PRKCA: variants seen among roughly 807,000 people sequenced by gnomAD.
The protein encoded by PRKCA is protein kinase C alpha type.
PRKCA carries 27 observed loss-of-function variants against 87.0 expected under a neutral mutation model. The ratio of observed to expected loss-of-function variants is 0.31; its 90% CI spans 0.23 to 0.43. The LOEUF (loss-of-function observed/expected upper bound fraction) is 0.43. Ranked by LOEUF, PRKCA falls within the 20% of genes least tolerant of loss-of-function variation. The pLI, the probability that PRKCA is intolerant of heterozygous loss-of-function variation, is 1.00. For missense variants in PRKCA, 518 were observed against 852.3 expected (o/e 0.61, Z 4.88); for synonymous variants, 329 against 311.1 (o/e 1.06, Z -0.61).
At chr17:66,346,453 C>T (rs1907378139) in intron 2 of PRKCA, among the ~76,000 whole-genome samples, 1 of 151,512 alleles carries the variant, frequency 6.6e-6, no homozygotes, top group African/African-American at 2.4e-5. Flanking sequence ...TGCTATATTG[C>T]CCGGGATGGA....
At chr17:66,309,491 G>C (rs1421012588) in intron 2 of PRKCA, among the ~76,000 whole-genome samples, 1 of 152,100 alleles carries the variant, frequency 6.6e-6, no homozygotes, top group Non-Finnish European at 1.5e-5. Context: ...CCTGAAAACT[G>C]ATATTACCAG....
rs528462524 is a variant in PRKCA, at chr17:66,563,026, T to TA, written c.288+66748dup. On this transcript the variant is annotated intron_variant, in intron 3 of 16. Transcript: ENST00000413366. The stretch of plus-strand genomic sequence containing the variant: ...TATTTCATCCTGTTAGCTTTTTTTT[T>TA]AAAAAGATATTTTTTAGAGCCATTG... Among the ~76,000 whole-genome samples, 16 of 152,166 alleles carry TA rather than the reference T, an allele frequency of 1.1e-4. No homozygotes were observed. The East Asian group carries it at 1.5e-3, about 15-fold the overall frequency.
intron 2 of PRKCA, among the ~76,000 whole-genome samples, chr17:66,421,013 C>G (rs1480375824): frequency 2.0e-5 from 3 of 152,152 alleles, no homozygotes; most frequent in Admixed American, 2.0e-4. Flanking sequence ...ACCTGTCTTC[C>G]TAGGTTCTAA....
intron 8 of PRKCA, among the ~76,000 whole-genome samples, chr17:66,707,344 C>T (rs575144352): frequency 6.6e-6 from 1 of 152,218 alleles, no homozygotes; most frequent in African/African-American, 2.4e-5. Context: ...CTCAGGCCCT[C>T]CTCTGAATAC....
At chr17:66,553,629 A>G (rs1211043675) in intron 3 of PRKCA, among the ~76,000 whole-genome samples, 1 of 152,198 alleles carries the variant, frequency 6.6e-6, no homozygotes, top group Non-Finnish European at 1.5e-5. Flanking sequence ...TTCTTGGATC[A>G]CTTGCTCTGG....
At chr17:66,371,509 C>CATCT in intron 2 of PRKCA, among the ~76,000 whole-genome samples, 1 of 152,346 alleles carries the variant, frequency 6.6e-6, no homozygotes, top group East Asian at 1.9e-4. Flanking sequence ...CCTGGGTTTA[C>CATCT]ATCTCAGCTC....
chr17:66,788,017 G>A (rs1371720968), intron 15 of PRKCA, among the ~76,000 whole-genome samples: 3 of 152,164 alleles, frequency 2.0e-5, no homozygotes, highest in Non-Finnish European at 4.4e-5. Context: ...GAACCTTCTG[G>A]GGCATGTGTT....
chr17:66,757,445 G>A (rs77255068), intron 13 of PRKCA, among the ~76,000 whole-genome samples: 6 of 151,872 alleles, frequency 4.0e-5, no homozygotes, highest in African/African-American at 1.5e-4. Flanking sequence ...AAAACAAAAA[G>A]CTAGGCATAT....
At chr17:66,394,594 C>T (rs968191823) in intron 2 of PRKCA, among the ~76,000 whole-genome samples, 7 of 152,098 alleles carry the variant, frequency 4.6e-5, no homozygotes, top group South Asian at 2.1e-4. Flanking sequence ...AGTATTGGGG[C>T]GGATGGGACC....
At position 66,735,631 on chromosome 17, in the gene PRKCA, T is replaced by G; in HGVS notation, c.1199T>G (p.Leu400Trp). ...VLALLDKPPFLTQLHSCFQTV... is the reference protein window; with the variant it reads ...VLALLDKPPFWTQLHSCFQTV... The stretch of plus-strand genomic sequence containing the variant: ...GCCCTGCTTGACAAACCCCCGTTCT[T>G]GACGCAGCTGCACTCCTGCTTCCAG... The change falls in exon 10 of 17, where the codon TTG becomes TGG. Residue 400 changes from leucine to tryptophan, a missense_variant. Around this residue, in one of 5 missense-constraint regions of PRKCA, gnomAD observed 300 missense variants for 496.8 expected, o/e 0.60. Coordinates refer to ENST00000413366, the MANE Select transcript of PRKCA (RefSeq NM_002737.3). The G allele has an allele frequency of 6.2e-7, 1 of 1,614,148 alleles. No individual in the cohort carries two copies. Among genetic ancestry groups the G allele is most frequent in the Non-Finnish European group, 8.5e-7 (1 of 1,180,024 alleles).
In PRKCA at chr17:66,743,531, G is replaced by A. The variant is rs1438685725; in HGVS notation, c.1524+771G>A. 4.6e-5 allele frequency among the ~76,000 whole-genome samples: 7 copies of A among 152,302 alleles called. No individual in the cohort carries two copies. The East Asian group carries it at 5.8e-4, about 13-fold the overall frequency. ...CCAGGACTTGTATCTTGACAGCAGC[G>A]GCTGTGCTGCTCTGCTTTTGTTATA... On this transcript the variant is annotated intron_variant, in intron 13 of 16. Coordinates refer to ENST00000413366, the MANE Select transcript of PRKCA (RefSeq NM_002737.3).
At chr17:66,446,342 T>C (rs531007108) in intron 2 of PRKCA, among the ~76,000 whole-genome samples, 3 of 152,272 alleles carry the variant, frequency 2.0e-5, no homozygotes, top group Admixed American at 1.3e-4. Context: ...GCCAGCCTGG[T>C]TGTGGGACAT....
rs1035155265 is a variant in PRKCA, at chr17:66,307,769, A to G, written c.205+1642A>G. On this transcript the variant is annotated intron_variant, in intron 2 of 16. Transcript: ENST00000413366. The stretch of plus-strand genomic sequence containing the variant: ...AGCAGATTAATAGTTTCATGGCAAC[A>G]TAACTCCCTTTTACCTAAATTAAAA... 2.0e-5 allele frequency among the ~76,000 whole-genome samples: 3 copies of G among 152,156 alleles called. No homozygotes were observed. In the East Asian group the frequency reaches 5.8e-4, roughly 29 times the overall value.
At chr17:66,632,413 T>C (rs1023108615) in intron 3 of PRKCA, among the ~76,000 whole-genome samples, 3 of 152,162 alleles carry the variant, frequency 2.0e-5, no homozygotes, top group Non-Finnish European at 2.9e-5. Flanking sequence ...GGGGTCTTGC[T>C]CTGTTACCCA....
chr17:66,531,750 C>T (rs544817869), intron 3 of PRKCA, among the ~76,000 whole-genome samples: 3 of 152,206 alleles, frequency 2.0e-5, no homozygotes, highest in Admixed American at 6.5e-5. Flanking sequence ...ATTGGCAGGC[C>T]TCAGTCCTCA....
intron 5 of PRKCA, among the ~76,000 whole-genome samples, chr17:66,675,705 A>G (rs9894849): frequency 0.62 from 94,949 of 151,956 alleles, 29,740 homozygotes; most frequent in African/African-American, 0.69. Context: ...TAAAATCTGT[A>G]TGCGTCAGGA....
At chr17:66,547,608 C>T (rs1968185399) in intron 3 of PRKCA, among the ~76,000 whole-genome samples, 2 of 152,024 alleles carry the variant, frequency 1.3e-5, no homozygotes, top group African/African-American at 4.8e-5. Flanking sequence ...TCCTACCTAC[C>T]CTGGGTAAGT....
At chr17:66,495,849 A>G (rs1056081803) in intron 2 of PRKCA, among the ~76,000 whole-genome samples, 8 of 152,014 alleles carry the variant, frequency 5.3e-5, no homozygotes, top group East Asian at 1.9e-4. Flanking sequence ...GATTACAGGC[A>G]TGAACCGCTG....
intron 3 of PRKCA, among the ~76,000 whole-genome samples, chr17:66,624,902 G>A (rs1487983030): frequency 6.6e-6 from 1 of 152,108 alleles, no homozygotes; most frequent in African/African-American, 2.4e-5. Flanking sequence ...GAATTCATTA[G>A]GAGTCACCAC....
Sources: allele counts gnomAD v4.1 joint callset (sites outside exome capture counted in the v4.1 genomes callset), GRCh38; gene constraint gnomAD v4.1.1; regional missense constraint gnomAD v4.1.1; transcripts MANE v1.5; gene names NCBI Gene and HGNC (gene_info 2026-07-23, HGNC 2026-07-21).